The following POU6F2 variants were observed in gnomAD, a reference collection of about 807,000 sequenced individuals.
POU6F2 encodes the protein POU class 6 homeobox 2, also known as POU domain, class 6, transcription factor 2.
A neutral mutation model predicts 71.3 loss-of-function variants in POU6F2; 31 were observed. That is an observed-to-expected ratio of 0.43 (90% CI 0.33 to 0.59). POU6F2 has a LOEUF of 0.59. Ranked by LOEUF, POU6F2 falls within the 20% of genes least tolerant of loss-of-function variation. The pLI is 0.04. For synonymous variants in POU6F2, 347 were observed against 355.7 expected (o/e 0.98, Z 0.27); for missense variants, 783 against 856.8 (o/e 0.91, Z 1.07).
intron 1 of POU6F2, among the ~76,000 whole-genome samples, chr7:39,054,195 T>C (rs1472277153): frequency 2.0e-5 from 3 of 152,168 alleles, no homozygotes; most frequent in Non-Finnish European, 4.4e-5. Context: ...TACCACAAGG[T>C]ACTTTCTGTG....
intron 2 of POU6F2, among the ~76,000 whole-genome samples, chr7:39,087,168 ATTTATTT>A (rs1562701023): frequency 1.9e-5 from 2 of 108,086 alleles, no homozygotes; most frequent in African/African-American, 8.2e-5. Flanking sequence ...TAATTTATTT[ATTTATTT>A]ATTTATTTAT....
At chr7:39,325,498 G>A (rs1215081129) in intron 4 of POU6F2, among the ~76,000 whole-genome samples, 2 of 152,200 alleles carry the variant, frequency 1.3e-5, no homozygotes, top group Admixed American at 1.3e-4. Flanking sequence ...ATTAAAGAGA[G>A]AACATAGTCA....
intron 1 of POU6F2, among the ~76,000 whole-genome samples, chr7:38,985,925 AGTT>A (rs1301145394): frequency 6.6e-6 from 1 of 152,150 alleles, no homozygotes; most frequent in African/African-American, 2.4e-5. Context: ...CAAGAACTAA[AGTT>A]GTGATTTCTT....
chr7:39,122,122 C>A (rs910701485), intron 2 of POU6F2, among the ~76,000 whole-genome samples: 1 of 152,208 alleles, frequency 6.6e-6, no homozygotes, highest in African/African-American at 2.4e-5. Context: ...TTAAACCTAT[C>A]TTTTGGCAAA....
At position 38,998,236 on chromosome 7, in the gene POU6F2, A is replaced by G. The variant is rs75650303; in HGVS notation, c.105+20178A>G. Among the ~76,000 whole-genome samples, 1,625 of 152,318 alleles carry G rather than the reference A, an allele frequency of 0.011. 142 individuals carry two copies. The East Asian group carries it at 0.23, about 21-fold the overall frequency. ...CTTTACTCCTCATTGCAGTTAATAA[A>G]TTACCTGTGACATCTCCTAGACCTT... On this transcript the variant is annotated intron_variant, in intron 1 of 9. Transcript: ENST00000518318.
At chr7:39,082,164 G>C (rs1386925428) in intron 1 of POU6F2, among the ~76,000 whole-genome samples, 1 of 152,132 alleles carries the variant, frequency 6.6e-6, no homozygotes, top group East Asian at 1.9e-4. Context: ...TCTCTTTGTA[G>C]GACACGGTGA....
chr7:39,381,439 A>C (rs1786827111), intron 5 of POU6F2, among the ~76,000 whole-genome samples: 1 of 151,984 alleles, frequency 6.6e-6, no homozygotes, highest in African/African-American at 2.4e-5. Flanking sequence ...ATGGGGTTTC[A>C]CCACGTTGCC....
intron 2 of POU6F2, among the ~76,000 whole-genome samples, chr7:39,184,129 C>T (rs950538102): frequency 1.3e-5 from 2 of 152,156 alleles, no homozygotes; most frequent in African/African-American, 2.4e-5. Flanking sequence ...TGGGAAAGGA[C>T]AAGCTGGTCC....
At chr7:39,257,351 A>G (rs906267958) in intron 4 of POU6F2, among the ~76,000 whole-genome samples, 3 of 151,528 alleles carry the variant, frequency 2.0e-5, no homozygotes, top group African/African-American at 7.3e-5. Flanking sequence ...TAGAATTTCA[A>G]ATTATTTAAT....
chr7:39,122,817 C>T (rs1224937864), intron 2 of POU6F2, among the ~76,000 whole-genome samples: 1 of 150,980 alleles, frequency 6.6e-6, no homozygotes, highest in Non-Finnish European at 1.5e-5. Flanking sequence ...AAGTGATTCT[C>T]CTGCCTCAGT....
intron 5 of POU6F2, among the ~76,000 whole-genome samples, chr7:39,360,846 G>C (rs1362936912): frequency 6.6e-6 from 1 of 152,162 alleles, no homozygotes; most frequent in Non-Finnish European, 1.5e-5. Flanking sequence ...TCATGGTGCT[G>C]GTGAGAGTGT....
At position 39,464,178 on chromosome 7, in the gene POU6F2, C is replaced by G; in HGVS notation, c.1659-4C>G. The G allele has an allele frequency of 6.2e-7, 1 of 1,612,770 alleles. No homozygotes were observed. The highest frequency in any genetic ancestry group is 8.5e-7 in the Non-Finnish European group (1 of 1,179,078). Reference sequence around the variant, plus strand: ...GACTGTTCTTTCTCAATTTTCCCCCCCAGACACACCATCCTGAGAAGCCAC... The same window carrying G: ...GACTGTTCTTTCTCAATTTTCCCCCGCAGACACACCATCCTGAGAAGCCAC... On this transcript the variant is annotated splice_region_variant and splice_polypyrimidine_tract_variant and intron_variant, in intron 9 of 9. Transcript: ENST00000518318. The surrounding 1 kb of genome is among the most constrained non-coding windows in gnomAD (Gnocchi z 4.1).
intron 4 of POU6F2, among the ~76,000 whole-genome samples, chr7:39,249,918 C>T (rs987420909): frequency 6.6e-6 from 1 of 152,156 alleles, no homozygotes; most frequent in African/African-American, 2.4e-5. Context: ...GAGCCTTTCA[C>T]TTTGTAGACT....
intron 1 of POU6F2, among the ~76,000 whole-genome samples, chr7:39,011,467 CTCTT>C (rs1447544200): frequency 2.1e-5 from 3 of 145,960 alleles, no homozygotes; most frequent in Non-Finnish European, 4.6e-5. Flanking sequence ...TGGGTCTTGA[CTCTT>C]TATCCAATTT....
intron 2 of POU6F2, among the ~76,000 whole-genome samples, chr7:39,138,845 G>A (rs768022139): frequency 1.4e-4 from 21 of 152,130 alleles, no homozygotes; most frequent in Non-Finnish European, 2.4e-4. Flanking sequence ...GATCTAATTG[G>A]CACAGCTCAT....
intron 4 of POU6F2, among the ~76,000 whole-genome samples, chr7:39,270,205 C>T (rs149801536): frequency 6.6e-4 from 101 of 152,292 alleles, no homozygotes; most frequent in African/African-American, 2.3e-3. Flanking sequence ...TATCCATACA[C>T]GTGGTATCCA....
At chr7:39,046,723 C>T (rs999951935) in intron 1 of POU6F2, among the ~76,000 whole-genome samples, 1 of 151,934 alleles carries the variant, frequency 6.6e-6, no homozygotes, top group Non-Finnish European at 1.5e-5. Flanking sequence ...CTGACCCCTT[C>T]TCACTGGTTA....
At chr7:39,281,512 T>C (rs1279456095) in intron 4 of POU6F2, among the ~76,000 whole-genome samples, 1 of 152,158 alleles carries the variant, frequency 6.6e-6, no homozygotes, top group African/African-American at 2.4e-5. Context: ...TTCTATGAGA[T>C]CAACTTTTTT....
intron 7 of POU6F2, among the ~76,000 whole-genome samples, chr7:39,439,142 G>A (rs1364785685): frequency 6.6e-6 from 1 of 150,394 alleles, no homozygotes; most frequent in Non-Finnish European, 1.5e-5. Context: ...ATCTTTGCTG[G>A]TTTAAAGTCT....
Sources: gnomAD v4.1 joint callset for allele counts (sites outside exome capture counted in the v4.1 genomes callset) on GRCh38, gnomAD v4.1.1 for gene constraint, Gnocchi (gnomAD v3.1) non-coding constraint, MANE v1.5 for transcripts, NCBI Gene and HGNC (gene_info 2026-07-23, HGNC 2026-07-21) for gene names.